KCNN2: variants seen among roughly 807,000 people sequenced by gnomAD.
KCNN2 encodes potassium calcium-activated channel subfamily N member 2, also known as small conductance calcium-activated potassium channel protein 2.
A neutral mutation model predicts 55.5 loss-of-function variants in KCNN2; 24 were observed. The observed-to-expected ratio is 0.43, with a 90% CI of 0.31 to 0.61. The LOEUF (loss-of-function observed/expected upper bound fraction) is 0.61. Ranked by LOEUF, KCNN2 falls within the 20% of genes least tolerant of loss-of-function variation. The pLI, the probability that KCNN2 is intolerant of heterozygous loss-of-function variation, is 0.08. For synonymous variants in KCNN2, 431 were observed against 336.1 expected, an observed-to-expected ratio of 1.28 and a Z score of -3.09; for missense variants, 754 against 853.6, an observed-to-expected ratio of 0.88 and a Z score of 1.45.
intron 2 of KCNN2, among the ~76,000 whole-genome samples, chr5:114,370,245 G>A (rs1757721822): frequency 6.6e-6 from 1 of 152,034 alleles, no homozygotes; most frequent in Non-Finnish European, 1.5e-5. Flanking sequence ...CCCAAGATTG[G>A]CAGTTCATAC....
intron 3 of KCNN2, among the ~76,000 whole-genome samples, chr5:114,451,413 A>G (rs1760671229): frequency 6.6e-6 from 1 of 152,180 alleles, no homozygotes; most frequent in African/African-American, 2.4e-5. Context: ...CGGACATTTT[A>G]CAGAACCATG....
intron 2 of KCNN2, among the ~76,000 whole-genome samples, chr5:114,370,416 A>G (rs984586975): frequency 1.3e-5 from 2 of 152,146 alleles, no homozygotes; most frequent in African/African-American, 4.8e-5. Flanking sequence ...CTTGGAGCTG[A>G]TATTCCAAGG....
At chr5:114,063,744 G>A (rs1349020489) in intron 1 of KCNN2, among the ~76,000 whole-genome samples, 1 of 152,176 alleles carries the variant, frequency 6.6e-6, no homozygotes, top group African/African-American at 2.4e-5. Context: ...TTTTAGCACT[G>A]AAAGTCTTGT....
Position 114,496,179 on chromosome 5 carries a change from C to T in KCNN2, c.2373C>T (p.Ser791=). 2 of 1,613,182 alleles carry T rather than the reference C, an allele frequency of 1.2e-6. No homozygotes were observed. The highest frequency in any genetic ancestry group is 1.7e-6 in the Non-Finnish European group (2 of 1,179,496). Residue 791 remains serine (S), a synonymous_variant, in exon 8 of 8, where the codon AGC becomes AGT. Coordinates refer to ENST00000673685, the MANE Select transcript of KCNN2 (RefSeq NM_021614.4). The stretch of plus-strand genomic sequence containing the variant: ...CACCACCAACTTCATCAGAGAGTAG[C>T]TAGAAGAGAATAAGTTAACCACAAA... ...STAPPTSSES[S]
intron 1 of KCNN2, among the ~76,000 whole-genome samples, chr5:114,104,068 G>A (rs878859524): frequency 6.6e-6 from 1 of 151,980 alleles, no homozygotes; most frequent in Admixed American, 6.6e-5. Flanking sequence ...GCTTTTTTTG[G>A]TTAGTAGGCT....
intron 2 of KCNN2, among the ~76,000 whole-genome samples, chr5:114,310,731 G>A (rs1346525690): frequency 6.6e-6 from 1 of 152,068 alleles, no homozygotes. Flanking sequence ...TATGAAAATG[G>A]CCAGATAAAA....
At chr5:114,223,786 A>T (rs1402866127) in intron 2 of KCNN2, among the ~76,000 whole-genome samples, 2 of 152,186 alleles carry the variant, frequency 1.3e-5, no homozygotes, top group African/African-American at 4.8e-5. Context: ...CGAACTTCTG[A>T]GGAAGGGGTG....
At chr5:114,420,206 A>G (rs990672575) in intron 3 of KCNN2, among the ~76,000 whole-genome samples, 2 of 152,260 alleles carry the variant, frequency 1.3e-5, no homozygotes, top group African/African-American at 4.8e-5. Flanking sequence ...CCTCTAAAAC[A>G]TAGTCATTGG....
chr5:114,331,419 C>T (rs1580726847), intron 2 of KCNN2, among the ~76,000 whole-genome samples: 1 of 152,172 alleles, frequency 6.6e-6, no homozygotes, highest in South Asian at 2.1e-4. Flanking sequence ...CAGCTACATG[C>T]AGGCCATGGG....
intron 2 of KCNN2, among the ~76,000 whole-genome samples, chr5:114,385,902 G>T (rs1758266683): frequency 6.6e-6 from 1 of 151,866 alleles, no homozygotes; most frequent in Non-Finnish European, 1.5e-5. Context: ...ATTAAGGCCG[G>T]GCGCAGTGGT....
rs569396677 is a variant in KCNN2, at chr5:114,165,478, A to G, written c.-270-56002A>G. On this transcript the variant is annotated intron_variant, in intron 1 of 10. Coordinates refer to the KCNN2 transcript ENST00000512097. ...ACAATAAATTGGTTTATTACTTAAT[A>G]TGGGGTGTGAAATTGTAACAAGGCA... Among the ~76,000 whole-genome samples the G allele has an allele frequency of 2.0e-5, 3 of 152,316 alleles. No individual in the cohort carries two copies. The East Asian group carries it at 5.8e-4, about 29-fold the overall frequency.
intron 1 of KCNN2, among the ~76,000 whole-genome samples, chr5:114,125,144 AG>A (rs1170202227): frequency 6.6e-6 from 1 of 152,068 alleles, no homozygotes; most frequent in Non-Finnish European, 1.5e-5. Flanking sequence ...GTGTTATAAT[AG>A]AATATGTTAA....
At chr5:114,067,206 T>C (rs910858767) in intron 1 of KCNN2, among the ~76,000 whole-genome samples, 1 of 152,152 alleles carries the variant, frequency 6.6e-6, no homozygotes, top group South Asian at 2.1e-4. Flanking sequence ...AGCAATATTG[T>C]TCCTAGATGG....
At chr5:114,146,596 G>C (rs543213661) in intron 1 of KCNN2, among the ~76,000 whole-genome samples, 66 of 152,290 alleles carry the variant, frequency 4.3e-4, no homozygotes, top group African/African-American at 1.5e-3. Flanking sequence ...TTTTCCAAAA[G>C]AAGGAACATG....
intron 1 of KCNN2, among the ~76,000 whole-genome samples, chr5:114,180,154 G>A (rs1753211553): frequency 6.6e-6 from 1 of 152,168 alleles, no homozygotes; most frequent in African/African-American, 2.4e-5. Flanking sequence ...GACAGTTTGA[G>A]TTGACAAATT....
intron 3 of KCNN2, chr5:114,433,516 C>G (rs975659248): frequency 6.6e-6 from 1 of 152,320 alleles, no homozygotes; most frequent in Non-Finnish European, 1.5e-5. Flanking sequence ...GCAGTGGCAA[C>G]CCGCTCGGGT....
intron 2 of KCNN2, among the ~76,000 whole-genome samples, chr5:114,338,471 A>G (rs1756961091): frequency 6.6e-6 from 1 of 152,230 alleles, no homozygotes; most frequent in African/African-American, 2.4e-5. Flanking sequence ...GTGACACTCC[A>G]GAGAAGCTAT....
intron 2 of KCNN2, among the ~76,000 whole-genome samples, chr5:114,339,878 C>T (rs554776508): frequency 2.0e-5 from 3 of 151,788 alleles, no homozygotes; most frequent in Non-Finnish European, 4.4e-5. Context: ...ATATTGGGCC[C>T]ACAGACCTCC....
At chr5:114,479,226 TAA>T (rs55994944) in intron 5 of KCNN2, among the ~76,000 whole-genome samples, 1 of 138,988 alleles carries the variant, frequency 7.2e-6, no homozygotes, top group South Asian at 2.3e-4. Context: ...ATGAAAACTA[TAA>T]AAAAAAAAAA....
Sources: allele counts gnomAD v4.1 joint callset (sites outside exome capture counted in the v4.1 genomes callset), GRCh38; gene constraint gnomAD v4.1.1; transcripts MANE v1.5; gene names NCBI Gene and HGNC (gene_info 2026-07-23, HGNC 2026-07-21).